Variants in RSU1 observed in about 807,000 individuals in gnomAD.
RSU1 encodes the protein rsu-1.
RSU1 carries 26 observed loss-of-function variants against 31.1 expected under a neutral mutation model. The observed-to-expected ratio is 0.84, with a 90% CI of 0.61 to 1.16. The LOEUF (loss-of-function observed/expected upper bound fraction) is 1.16, where lower values mean the gene tolerates loss of function less well. Among genes scored for constraint, RSU1 ranks in the 50% most tolerant of loss-of-function variants. The pLI, the probability that RSU1 is intolerant of heterozygous loss-of-function variation, is 0.00. For missense variants in RSU1, 320 were observed against 339.1 expected, an observed-to-expected ratio of 0.94 and a Z score of 0.44; for synonymous variants, 164 against 136.3, an observed-to-expected ratio of 1.20 and a Z score of -1.41.
Position 16,592,414 on chromosome 10 carries a change from A to G in RSU1, c.*980T>C, listed in dbSNP as rs1476029035. 1 of 152,202 alleles carries G rather than the reference A, an allele frequency of 6.6e-6. No homozygotes were observed. Among genetic ancestry groups the G allele is most frequent in the African/African-American group, 2.4e-5 (1 of 41,464 alleles). The allele number at this position is 152,202 out of a possible 1,614,324, so 9.4% of individuals were successfully genotyped here. A position where few individuals can be genotyped will look rare whatever the true frequency, so the allele number is the denominator to read the frequency against. ...AAGCTGCCTATCACAGATGTTAAAC[A>G]AACAATTGATTGTTTAATGACTCTG... On this transcript the variant is annotated 3_prime_UTR_variant, in exon 9 of 9. Coordinates refer to ENST00000345264, the MANE Select transcript of RSU1 (RefSeq NM_012425.4).
chr10:16,645,905 T>C (rs762018228), intron 8 of RSU1, among the ~76,000 whole-genome samples: 1,379 of 86,948 alleles, frequency 0.016, 178 homozygotes, highest in Non-Finnish European at 0.023. Flanking sequence ...TATATACACA[T>C]ATATGTATAT....
intron 8 of RSU1, among the ~76,000 whole-genome samples, chr10:16,691,722 C>CTTTTTTTTTTTTT (rs58786188): frequency 9.4e-6 from 1 of 106,044 alleles, no homozygotes; most frequent in African/African-American, 3.7e-5. Flanking sequence ...GCTGCTGCTT[C>CTTTTTTTTTTTTT]TTTTTTTTTT....
intron 2 of RSU1, among the ~76,000 whole-genome samples, chr10:16,813,937 G>C (rs1450679194): frequency 6.6e-6 from 1 of 152,106 alleles, no homozygotes; most frequent in Non-Finnish European, 1.5e-5. Context: ...GAAGAAAGAC[G>C]GGCATCTCAT....
intron 7 of RSU1, among the ~76,000 whole-genome samples, chr10:16,717,402 C>G (rs1037838425): frequency 6.6e-6 from 1 of 152,126 alleles, no homozygotes; most frequent in African/African-American, 2.4e-5. Flanking sequence ...TAAAAATAAA[C>G]CAATCCAATA....
chr10:16,817,123 C>G, intron 1 of RSU1, 39 bp from the exon 2 acceptor site: 1 of 1,450,942 alleles, frequency 6.9e-7, no homozygotes, highest in Non-Finnish European at 9.7e-7. Context: ...GCGATGACAG[C>G]AAGCGCAGAG....
chr10:16,658,777 G>C (rs1834834866), intron 8 of RSU1, among the ~76,000 whole-genome samples: 3 of 152,188 alleles, frequency 2.0e-5, no homozygotes, highest in African/African-American at 7.2e-5. Context: ...GAACAGATAA[G>C]ATTTTTGTTA....
chr10:16,673,084 C>T (rs1213566844), intron 8 of RSU1, among the ~76,000 whole-genome samples: 1 of 152,192 alleles, frequency 6.6e-6, no homozygotes, highest in Non-Finnish European at 1.5e-5. Context: ...ACCTGCTCCT[C>T]ATTAAAAGGC....
At chr10:16,653,498 G>C (rs934899926) in intron 8 of RSU1, among the ~76,000 whole-genome samples, 3 of 152,150 alleles carry the variant, frequency 2.0e-5, no homozygotes, top group Admixed American at 2.0e-4. Context: ...AATGTGCCGG[G>C]ATGTGCTTTG....
At chr10:16,600,057 G>GA (rs940295915) in intron 8 of RSU1, among the ~76,000 whole-genome samples, 9 of 152,058 alleles carry the variant, frequency 5.9e-5, no homozygotes, top group African/African-American at 1.4e-4. Context: ...TAAGAAGTGG[G>GA]AAAAAAACGA....
chr10:16,729,520 TGGCCAAGGAA>T (rs1426739022), intron 7 of RSU1, among the ~76,000 whole-genome samples: 5 of 152,084 alleles, frequency 3.3e-5, no homozygotes, highest in African/African-American at 4.8e-5. Flanking sequence ...GTATGCTAGA[TGGCCAAGGAA>T]GGCCAAGGAA....
At chr10:16,817,185 A>T in intron 1 of RSU1, 101 bp from the exon 2 acceptor site, 2 of 771,090 alleles carry the variant, frequency 2.6e-6, no homozygotes, top group Non-Finnish European at 4.3e-6. Flanking sequence ...CCAGGGTTGG[A>T]GCGGGTGGGC....
At position 16,680,135 on chromosome 10, in the gene RSU1, G is replaced by A. The variant is rs543794109; in HGVS notation, c.731+14888C>T. The stretch of plus-strand genomic sequence containing the variant: ...AACCTCAAGTGATCTGCCTGCCCTC[G>A]CCTCCCAAAGTGCTGGGATTACAGG... On this transcript the variant is annotated intron_variant, in intron 8 of 8. Coordinates refer to ENST00000345264, the MANE Select transcript of RSU1 (RefSeq NM_012425.4). 4.3e-4 allele frequency among the ~76,000 whole-genome samples: 65 copies of A among 151,976 alleles called. 2 individuals are homozygous for A. The South Asian group carries it at 0.013, about 29-fold the overall frequency.
intron 2 of RSU1, among the ~76,000 whole-genome samples, chr10:16,785,181 G>A (rs1360779488): frequency 1.3e-5 from 2 of 152,150 alleles, no homozygotes; most frequent in East Asian, 1.9e-4. Flanking sequence ...GCATGGCCAG[G>A]ATATAAAGCA....
At chr10:16,631,502 G>A (rs867481155) in intron 8 of RSU1, among the ~76,000 whole-genome samples, 1 of 152,182 alleles carries the variant, frequency 6.6e-6, no homozygotes, top group South Asian at 2.1e-4. Context: ...CACACAATTG[G>A]AGGAGGATCC....
At chr10:16,790,835 G>A (rs552278362) in intron 2 of RSU1, among the ~76,000 whole-genome samples, 13 of 152,058 alleles carry the variant, frequency 8.5e-5, no homozygotes, top group Non-Finnish European at 1.3e-4. Flanking sequence ...CTCCCATCAC[G>A]AAGACGTGAT....
intron 8 of RSU1, among the ~76,000 whole-genome samples, chr10:16,601,216 C>G (rs192933203): frequency 6.6e-6 from 1 of 152,354 alleles, no homozygotes; most frequent in East Asian, 1.9e-4. Context: ...TTCCACAGGT[C>G]TGTCCCTCCA....
intron 8 of RSU1, among the ~76,000 whole-genome samples, chr10:16,647,218 C>A (rs535104583): frequency 6.6e-6 from 1 of 152,138 alleles, no homozygotes; most frequent in Non-Finnish European, 1.5e-5. Flanking sequence ...GTGATCTACA[C>A]GCCTCGGCCT....
At chr10:16,613,996 G>A (rs1184866486) in intron 8 of RSU1, among the ~76,000 whole-genome samples, 13 of 152,108 alleles carry the variant, frequency 8.5e-5, no homozygotes, top group Non-Finnish European at 1.5e-4. Flanking sequence ...AGGGGTACTC[G>A]CAGGGATTGT....
At chr10:16,770,747 T>G (rs1243983679) in intron 3 of RSU1, among the ~76,000 whole-genome samples, 1 of 152,184 alleles carries the variant, frequency 6.6e-6, no homozygotes, top group Non-Finnish European at 1.5e-5. Flanking sequence ...AGGCAACTGC[T>G]CACAGCCAGG....
Sources: gnomAD v4.1 joint callset for allele counts (sites outside exome capture counted in the v4.1 genomes callset) on GRCh38, gnomAD v4.1.1 for gene constraint, MANE v1.5 for transcripts, NCBI Gene and HGNC (gene_info 2026-07-23, HGNC 2026-07-21) for gene names.